The following LOC114841035 variants were observed in gnomAD, a reference collection of about 807,000 sequenced individuals.
the LOC114841035 span, chr11:64,243,686 C>G: frequency 8.3e-7 from 1 of 1,210,086 alleles, no homozygotes; most frequent in Non-Finnish European, 1.2e-6. Context: ...AGTGGCCCCA[C>G]TCTGCCCTTG....
At chr11:64,243,433 G>GC in the LOC114841035 span, 1 of 1,614,032 alleles carries the variant, frequency 6.2e-7, no homozygotes, top group Non-Finnish European at 8.5e-7. Context: ...CATGGGCTGA[G>GC]CATGTGTCTT....
At chr11:64,242,134 G>A in the LOC114841035 span, 7 of 441,526 alleles carry the variant, frequency 1.6e-5, no homozygotes, top group Non-Finnish European at 2.8e-5. Flanking sequence ...AAAGGGGCGG[G>A]TCCCTGGCTG....
chr11:64,243,369 G>T, the LOC114841035 span: 1 of 1,604,668 alleles, frequency 6.2e-7, no homozygotes, highest in South Asian at 1.1e-5. Flanking sequence ...CGCCCAGGAG[G>T]TAAGCTGTGG....
chr11:64,244,049 G>A, the LOC114841035 span: 2 of 1,613,276 alleles, frequency 1.2e-6, no homozygotes, highest in South Asian at 1.1e-5. Flanking sequence ...GGAGGGGCAG[G>A]GGGAGAGGCC....
At chr11:64,243,222 G>A in the LOC114841035 span, 2 of 1,613,772 alleles carry the variant, frequency 1.2e-6, no homozygotes, top group Non-Finnish European at 1.7e-6. Context: ...ATGGGACAGA[G>A]TTTGACAGCA....
the LOC114841035 span, chr11:64,243,651 C>T: frequency 3.4e-6 from 4 of 1,186,482 alleles, no homozygotes; most frequent in Non-Finnish European, 4.9e-6. Flanking sequence ...GAGTACAGGG[C>T]AAGATCATTG....
chr11:64,243,777 C>T, the LOC114841035 span: 797 of 1,599,634 alleles, frequency 5.0e-4, 2 homozygotes, highest in African/African-American at 9.6e-3. Flanking sequence ...GGAACACTCT[C>T]CCTTTGCCCA....
chr11:64,241,293 A>AGGGTTCTCACGCCGCACGGGGC, the LOC114841035 span: 1 of 130,642 alleles, frequency 7.7e-6, no homozygotes, highest in Non-Finnish European at 1.6e-5. Context: ...CCGCAGGGGG[A>AGGGTTCTCACGCCGCACGGGGC]GGGTTCTCAC....
the LOC114841035 span, among the ~76,000 whole-genome samples, chr11:64,242,943 G>T: frequency 1.3e-5 from 2 of 152,212 alleles, no homozygotes; most frequent in South Asian, 2.1e-4. Context: ...GTGGTGGCGG[G>T]CGCCTATAAT....
the LOC114841035 span, chr11:64,243,969 T>C: frequency 1 from 1,608,672 of 1,614,016 alleles, 801,818 homozygotes; most frequent in Non-Finnish European, 1. Flanking sequence ...CCCCTACAGG[T>C]GGTGCAACCC....
chr11:64,243,800 G>A, the LOC114841035 span: 2 of 1,612,982 alleles, frequency 1.2e-6, no homozygotes, highest in Middle Eastern at 1.7e-4. Context: ...CTGGAAGGGA[G>A]CTTGGCCATC....
chr11:64,243,509 C>T, the LOC114841035 span: 13 of 1,613,308 alleles, frequency 8.1e-6, no homozygotes, highest in Non-Finnish European at 1.1e-5. Flanking sequence ...TAAGAGGCCC[C>T]TCCTGAGGGT....
At chr11:64,244,035 CTG>C in the LOC114841035 span, 3 of 1,613,694 alleles carry the variant, frequency 1.9e-6, no homozygotes, top group Non-Finnish European at 2.5e-6. Flanking sequence ...TGTAACCAGA[CTG>C]GGGAGGGGCA....
the LOC114841035 span, chr11:64,243,387 G>A: frequency 6.2e-7 from 1 of 1,609,092 alleles, no homozygotes; most frequent in Non-Finnish European, 8.5e-7. Flanking sequence ...TGGGAGGCAA[G>A]CCCCAGGGAT....
chr11:64,243,312 G>T, the LOC114841035 span: 56 of 1,602,388 alleles, frequency 3.5e-5, no homozygotes, highest in Non-Finnish European at 4.4e-5. Flanking sequence ...GGCTGCTGGG[G>T]TGAGTCATGG....
the LOC114841035 span, chr11:64,241,797 G>C: frequency 6.6e-6 from 1 of 152,612 alleles, no homozygotes; most frequent in Admixed American, 6.5e-5. Context: ...GGGCCAGTCT[G>C]GGTGCCCCGG....
the LOC114841035 span, chr11:64,242,277 G>A: frequency 6.6e-5 from 76 of 1,145,316 alleles, no homozygotes; most frequent in Admixed American, 1.7e-4. Flanking sequence ...ATCCCCCGGG[G>A]CAAGGAAGAT....
the LOC114841035 span, chr11:64,242,135 T>C: frequency 1.9e-5 from 8 of 424,784 alleles, no homozygotes; most frequent in South Asian, 4.1e-5. Context: ...AAGGGGCGGG[T>C]CCCTGGCTGC....
At chr11:64,242,169 C>T in the LOC114841035 span, 5 of 482,672 alleles carry the variant, frequency 1.0e-5, no homozygotes, top group East Asian at 3.6e-5. Flanking sequence ...GACCCCCTCC[C>T]CCCGCTGCTG....
Sources: gnomAD v4.1 joint callset for allele counts (sites outside exome capture counted in the v4.1 genomes callset) on GRCh38, gnomAD v4.1.1 for gene constraint, MANE v1.5 for transcripts.